YTHDC1: variants seen among roughly 807,000 people sequenced by gnomAD.
YTHDC1 encodes YTH domain-containing protein 1.
In YTHDC1, 12 loss-of-function variants were observed where a neutral mutation model predicts 107.0. The ratio of observed to expected loss-of-function variants is 0.11; its 90% CI spans 0.07 to 0.18. The LOEUF is 0.18. Among genes scored for constraint, YTHDC1 ranks in the 10% least tolerant of loss-of-function variants. The probability of loss-of-function intolerance (pLI) is 1.00; values close to 1 mark genes in which losing one functional copy is unlikely to be tolerated. For synonymous variants in YTHDC1, 280 were observed against 289.5 expected (o/e 0.97, Z 0.33); for missense variants, 635 against 898.8 (o/e 0.71, Z 3.75).
chr4:68,319,775 C>CT (rs1047140711), intron 12 of YTHDC1, among the ~76,000 whole-genome samples: 27 of 152,200 alleles, frequency 1.8e-4, no homozygotes, highest in African/African-American at 6.5e-4. Flanking sequence ...ACATGAAACA[C>CT]TAACTACCAT....
At chr4:68,328,290 C>T (rs115312827) in intron 9 of YTHDC1, among the ~76,000 whole-genome samples, 91 of 152,256 alleles carry the variant, frequency 6.0e-4, no homozygotes, top group Non-Finnish European at 1.0e-3. Flanking sequence ...TACATTACAA[C>T]GTTTCCTCTG....
At chr4:68,349,518 G>C (rs1413997186) in intron 1 of YTHDC1, among the ~76,000 whole-genome samples, 1 of 151,962 alleles carries the variant, frequency 6.6e-6, no homozygotes, top group African/African-American at 2.4e-5. Context: ...CTACTGAGAT[G>C]AAGTGCTAGG....
chr4:68,339,486 T>C (rs937091584), intron 1 of YTHDC1, among the ~76,000 whole-genome samples: 14 of 152,346 alleles, frequency 9.2e-5, no homozygotes, highest in African/African-American at 2.9e-4. Context: ...TTTTCTAATT[T>C]TGACTGTACT....
At chr4:68,326,811 G>A (rs1219095002) in intron 9 of YTHDC1, among the ~76,000 whole-genome samples, 2 of 151,410 alleles carry the variant, frequency 1.3e-5, no homozygotes, top group Non-Finnish European at 2.9e-5. Context: ...TGCTAGTCTC[G>A]AACTCCTGGC....
chr4:68,349,939 TTTCA>T lies in YTHDC1; in HGVS notation c.-190_-187del. On this transcript the variant is annotated 5_prime_UTR_variant, in exon 1 of 17. An upstream open reading frame in the 5' UTR loses its in-frame stop. Coordinates refer to ENST00000344157, the MANE Select transcript of YTHDC1 (RefSeq NM_001031732.4). ...CCCGCTTTTTCCCTTTCTCCCTTCC[TTTCA>T]CTCCAGCATCCAGCGGCCTAGGCCC... 1 of 782,090 alleles carries T rather than the reference TTTCA, an allele frequency of 1.3e-6. No individual in the cohort carries two copies. The highest frequency in any genetic ancestry group is 2.1e-6 in the Non-Finnish European group (1 of 485,126). The allele number at this position is 782,090 out of a possible 1,614,324, so 48.4% of individuals were successfully genotyped here. A position where few individuals can be genotyped will look rare whatever the true frequency, so the allele number is the denominator to read the frequency against.
chr4:68,318,941 CTCGTT>C, intron 12 of YTHDC1, 79 bp from the exon 13 acceptor site: 1 of 1,441,394 alleles, frequency 6.9e-7, no homozygotes, highest in Non-Finnish European at 9.7e-7. Context: ...TTCCTTACCA[CTCGTT>C]TCAATTCTTT....
Position 68,324,177 on chromosome 4 carries a change from T to G in YTHDC1, c.1396A>C (p.Asn466His). ...CCGATCTTTACTGGTTTATGTTCAT[T>G]CCAAGGATTGGTGAGATGAGCCGAC... is the stretch of plus-strand genomic sequence containing the variant. ...TKSAHLTNPW[N>H]EHKPVKIGRD... Residue 466 changes from asparagine (N) to histidine (H), a missense_variant, in exon 10 of 17, where the codon AAT (asparagine) becomes CAT (histidine). By Grantham distance (68) the Asn-to-His change is moderately conservative. This residue lies in a region of YTHDC1 where 256 missense variants were observed against 372.9 expected (regional missense o/e 0.69). Coordinates refer to ENST00000344157, the MANE Select transcript of YTHDC1 (RefSeq NM_001031732.4). 6.2e-7 allele frequency: 1 copy of G among 1,614,076 alleles called. No homozygotes were observed. The highest frequency in any genetic ancestry group is 8.5e-7 in the Non-Finnish European group (1 of 1,179,970).
At chr4:68,324,669 T>C (rs1211536400) in intron 9 of YTHDC1, among the ~76,000 whole-genome samples, 1 of 152,062 alleles carries the variant, frequency 6.6e-6, no homozygotes, top group African/African-American at 2.4e-5. Flanking sequence ...CAAATGAAAA[T>C]AGAAGTGTCC....
chr4:68,345,589 C>T (rs1032202293), intron 1 of YTHDC1, among the ~76,000 whole-genome samples: 2 of 47,474 alleles, frequency 4.2e-5, no homozygotes, highest in Non-Finnish European at 1.0e-4. Context: ...CCATCCAAAA[C>T]CGCTCTTATA....
In YTHDC1 at chr4:68,312,146, T is replaced by C. The variant is rs1721356351; in HGVS notation, c.*1953A>G. The C allele has an allele frequency of 6.6e-6, 1 of 152,206 alleles. No individual in the cohort carries two copies. Among genetic ancestry groups the C allele is most frequent in the South Asian group, 2.1e-4 (1 of 4,832 alleles). 9.4% of individuals were successfully genotyped at this position (152,206 alleles called of 1,614,324 possible). On this transcript the variant is annotated 3_prime_UTR_variant, in exon 17 of 17. Transcript: ENST00000344157. Reference sequence around the variant, plus strand: ...ATTTATTAATTTATATACTGTTTTTTCAAAAGTGATGAGGTGGTTTAGAAA... The same window carrying C: ...ATTTATTAATTTATATACTGTTTTTCCAAAAGTGATGAGGTGGTTTAGAAA...
chr4:68,324,966 G>A (rs1316366987), intron 9 of YTHDC1, among the ~76,000 whole-genome samples: 1 of 146,156 alleles, frequency 6.8e-6, no homozygotes, highest in Non-Finnish European at 1.5e-5. Flanking sequence ...CTAGCACAAT[G>A]TCACATGAAT....
At position 68,337,441 on chromosome 4, in the gene YTHDC1, G is replaced by C. The variant is rs1401345036; in HGVS notation, c.469C>G (p.Leu157Val). The change falls in exon 4 of 17, where the codon CTT becomes GTT. Residue 157 changes from leucine (L) to valine (V), a missense_variant. By Grantham distance (32) the Leu-to-Val change is conservative. Around this residue, in one of 5 missense-constraint regions of YTHDC1, gnomAD observed 294 missense variants for 312.3 expected, o/e 0.94. Coordinates refer to ENST00000344157, the MANE Select transcript of YTHDC1 (RefSeq NM_001031732.4). ...CTGCTTGCACGTCTATCCACTTCAA[G>C]CCCAATTCTCTGATGTTTAAAGAAA... ...PTPDGSERIG[L>V]EVDRRASRSS... 2 of 1,613,368 alleles carry C rather than the reference G, an allele frequency of 1.2e-6. No homozygotes were observed. The highest frequency in any genetic ancestry group is 4.5e-5 in the East Asian group (2 of 44,870).
intron 4 of YTHDC1, among the ~76,000 whole-genome samples, chr4:68,335,678 A>G (rs2109724243): frequency 6.6e-6 from 1 of 152,268 alleles, no homozygotes; most frequent in South Asian, 2.1e-4. Flanking sequence ...GAGTGGTTTC[A>G]TACATTCTCC....
chr4:68,344,441 T>C (rs1231714885), intron 1 of YTHDC1, among the ~76,000 whole-genome samples: 1 of 152,186 alleles, frequency 6.6e-6, no homozygotes, highest in Non-Finnish European at 1.5e-5. Context: ...GGGACAATCC[T>C]ACTCAACTCC....
chr4:68,349,663 G>A (rs1354697697), intron 1 of YTHDC1, 63 bp downstream of exon 1: 1 of 1,449,242 alleles, frequency 6.9e-7, no homozygotes, highest in South Asian at 1.4e-5. Context: ...GACGACCACT[G>A]CTCCATCACC....
At chr4:68,328,009 T>C (rs1056025139) in intron 9 of YTHDC1, among the ~76,000 whole-genome samples, 2 of 152,238 alleles carry the variant, frequency 1.3e-5, no homozygotes, top group Non-Finnish European at 2.9e-5. Flanking sequence ...GTTAGTAGGA[T>C]AGACAAATTG....
chr4:68,320,528 AAT>A lies in YTHDC1; in HGVS notation c.1602-325_1602-324del, dbSNP rs377725438. Among the ~76,000 whole-genome samples, 602 of 152,252 alleles carry A rather than the reference AAT, an allele frequency of 4.0e-3. 2 individuals carry two copies. Among genetic ancestry groups the A allele is most frequent in the African/African-American group, 0.014 (579 of 41,566 alleles). ...AGTAAACAAAGTCATTCTCAAACTA[AAT>A]ATCAGTTTTAACAATTAAAACACTT... On this transcript the variant is annotated intron_variant, in intron 11 of 16. Transcript: ENST00000344157.
Position 68,318,683 on chromosome 4 carries a change from T to C in YTHDC1, c.1761+7A>G, listed in dbSNP as rs746242191. The C allele has an allele frequency of 3.1e-6, 5 of 1,613,894 alleles. No individual in the cohort carries two copies. Among genetic ancestry groups the C allele is most frequent in the South Asian group, 1.1e-5 (1 of 91,068 alleles). On this transcript the variant is annotated splice_region_variant and intron_variant, in intron 14 of 16. Transcript: ENST00000344157. ...TCCACATTAAATAGATAAAATGAAA[T>C]GCTTACCCCATTTAAAAACACATCT...
At chr4:68,325,137 G>T (rs975627768) in intron 9 of YTHDC1, among the ~76,000 whole-genome samples, 2 of 152,146 alleles carry the variant, frequency 1.3e-5, no homozygotes, top group African/African-American at 4.8e-5. Context: ...AAATGAAACT[G>T]TTCAGCCAAA....
Sources: allele counts gnomAD v4.1 joint callset (sites outside exome capture counted in the v4.1 genomes callset), GRCh38; gene constraint gnomAD v4.1.1; regional missense constraint gnomAD v4.1.1; transcripts MANE v1.5; gene names NCBI Gene and HGNC (gene_info 2026-07-23, HGNC 2026-07-21).